ARHGAP15: variants seen among roughly 807,000 people sequenced by gnomAD.
ARHGAP15 encodes the protein Rho GTPase activating protein 15.
Under a neutral mutation model 63.7 loss-of-function variants are expected in ARHGAP15, and 51 were observed. That is an observed-to-expected ratio of 0.80 (90% confidence interval 0.64 to 1.01). The LOEUF (loss-of-function observed/expected upper bound fraction) is 1.01. Among genes scored for constraint, ARHGAP15 ranks in the 50% least tolerant of loss-of-function variants. The pLI, the probability that ARHGAP15 is intolerant of heterozygous loss-of-function variation, is 0.00. For missense variants in ARHGAP15, 560 were observed against 564.6 expected, an observed-to-expected ratio of 0.99 and a Z score of 0.08; for synonymous variants, 191 against 193.8, an observed-to-expected ratio of 0.99 and a Z score of 0.12.
At chr2:143,376,016 G>A (rs1686793568) in intron 6 of ARHGAP15, among the ~76,000 whole-genome samples, 1 of 152,182 alleles carries the variant, frequency 6.6e-6, no homozygotes, top group South Asian at 2.1e-4. Flanking sequence ...CACGCATGTG[G>A]CATTCTTTGT....
At chr2:143,429,180 C>A (rs1408628268) in intron 6 of ARHGAP15, among the ~76,000 whole-genome samples, 1 of 147,448 alleles carries the variant, frequency 6.8e-6, no homozygotes, top group Non-Finnish European at 1.5e-5. Context: ...TTTCTCAGTA[C>A]TTAAAATATT....
intron 12 of ARHGAP15, among the ~76,000 whole-genome samples, chr2:143,635,870 T>A (rs1239895714): frequency 1.3e-5 from 2 of 152,222 alleles, no homozygotes; most frequent in South Asian, 2.1e-4. Context: ...TATAAAAAAA[T>A]TATATTGGAT....
At chr2:143,501,612 T>C (rs1226036808) in intron 9 of ARHGAP15, among the ~76,000 whole-genome samples, 1 of 152,240 alleles carries the variant, frequency 6.6e-6, no homozygotes, top group African/African-American at 2.4e-5. Context: ...CTTATGTTCA[T>C]GTACACACTT....
rs558529970 is a variant in ARHGAP15, at chr2:143,336,628, G to A, written c.474+86028G>A. 7.9e-5 allele frequency among the ~76,000 whole-genome samples: 12 copies of A among 152,166 alleles called. No individual in the cohort carries two copies. In the South Asian group the frequency reaches 2.5e-3, roughly 32 times the overall value. On this transcript the variant is annotated intron_variant, in intron 6 of 13. Coordinates refer to ENST00000295095, the MANE Select transcript of ARHGAP15 (RefSeq NM_018460.4). ...GCTGTGTTTAATTGGTGATGATGTG[G>A]GTATGAAAGGCCCCAGGGAACTACC... is the stretch of plus-strand genomic sequence containing the variant.
intron 6 of ARHGAP15, among the ~76,000 whole-genome samples, chr2:143,273,093 A>G (rs546277988): frequency 6.6e-6 from 1 of 152,236 alleles, no homozygotes; most frequent in African/African-American, 2.4e-5. Context: ...AGATTAGATT[A>G]GTTTAAATAA....
chr2:143,357,355 C>CTT (rs10682016), intron 6 of ARHGAP15, among the ~76,000 whole-genome samples: 91 of 147,486 alleles, frequency 6.2e-4, no homozygotes, highest in African/African-American at 2.0e-3. Context: ...TTATGGAAAT[C>CTT]TTTTTTTTTT....
At position 143,317,991 on chromosome 2, in the gene ARHGAP15, A is replaced by G. The variant is rs1450527110; in HGVS notation, c.474+67391A>G. Among the ~76,000 whole-genome samples the G allele has an allele frequency of 1.3e-5, 2 of 151,592 alleles. 1 individual carries two copies. Among genetic ancestry groups the G allele is most frequent in the Non-Finnish European group, 2.9e-5 (2 of 67,878 alleles). On this transcript the variant is annotated intron_variant, in intron 6 of 13. Transcript: ENST00000295095. ...CATCACTATTATGGCACATAAAACT[A>G]CCCATAAAATTTTATCCTTTTTTTT... is the stretch of plus-strand genomic sequence containing the variant.
chr2:143,470,953 TGTGTATCATATGTGTGTACATACACAC>T (rs1321415124), intron 8 of ARHGAP15, among the ~76,000 whole-genome samples: 1 of 137,014 alleles, frequency 7.3e-6, no homozygotes, highest in Non-Finnish European at 1.6e-5. Flanking sequence ...TATACACACA[TGTGTATCATATGTGTGTACATACACAC>T]GTGTATCATA....
At chr2:143,511,071 C>G (rs1326567817) in intron 9 of ARHGAP15, among the ~76,000 whole-genome samples, 1 of 152,170 alleles carries the variant, frequency 6.6e-6, no homozygotes, top group Admixed American at 6.5e-5. Context: ...AAACTTATAG[C>G]AGTGATGAGG....
chr2:143,767,994 T>C lies in ARHGAP15; in HGVS notation c.1250T>C (p.Val417Ala). ...TTTTTTCTCTCTCTCCACAGGATAG[T>C]GGCCAAAGCCTCCAAGAACCTCATG... ...KVLFGHLTKI[V>A]AKASKNLMST... is the part of the protein sequence containing the mutation. The change falls in exon 14 of 14, where the codon GTG becomes GCG. Residue 417 changes from valine (V) to alanine (A), a missense_variant. Transcript: ENST00000295095. 1 of 1,613,516 alleles carries C rather than the reference T, an allele frequency of 6.2e-7. No individual in the cohort carries two copies. The highest frequency in any genetic ancestry group is 8.5e-7 in the Non-Finnish European group (1 of 1,179,624).
chr2:143,553,045 C>T (rs1695641834), intron 10 of ARHGAP15, among the ~76,000 whole-genome samples: 1 of 152,152 alleles, frequency 6.6e-6, no homozygotes, highest in Non-Finnish European at 1.5e-5. Flanking sequence ...TTTGGTTTGG[C>T]ATAACTTTCA....
intron 10 of ARHGAP15, among the ~76,000 whole-genome samples, chr2:143,554,498 A>G (rs1376976748): frequency 6.6e-6 from 1 of 152,134 alleles, no homozygotes; most frequent in Non-Finnish European, 1.5e-5. Flanking sequence ...CAGTAGCTAT[A>G]TGCTCAAAAA....
At chr2:143,206,964 C>A (rs1479329300) in intron 3 of ARHGAP15, among the ~76,000 whole-genome samples, 1 of 151,594 alleles carries the variant, frequency 6.6e-6, no homozygotes, top group Non-Finnish European at 1.5e-5. Context: ...TATATATGCA[C>A]ATATATTTTA....
chr2:143,334,639 T>G (rs1280048211), intron 6 of ARHGAP15, among the ~76,000 whole-genome samples: 1 of 152,184 alleles, frequency 6.6e-6, no homozygotes, highest in Non-Finnish European at 1.5e-5. Context: ...TGTAGCATAT[T>G]CCAAAGAGGT....
chr2:143,468,630 T>TTG (rs1202041455), intron 8 of ARHGAP15, among the ~76,000 whole-genome samples: 4 of 117,092 alleles, frequency 3.4e-5, no homozygotes, highest in South Asian at 6.6e-4. Context: ...ATGGGTTTCT[T>TTG]TGTGAGAGAG....
intron 6 of ARHGAP15, among the ~76,000 whole-genome samples, chr2:143,389,131 ATTATTT>A (rs1249547371): frequency 6.8e-6 from 1 of 147,224 alleles, no homozygotes; most frequent in African/African-American, 2.5e-5. Flanking sequence ...TATTATTATT[ATTATTT>A]TTTATTATTA....
chr2:143,391,185 C>T (rs1257402890), intron 6 of ARHGAP15, among the ~76,000 whole-genome samples: 1 of 152,190 alleles, frequency 6.6e-6, no homozygotes, highest in African/African-American at 2.4e-5. Context: ...GGCCTTTTTG[C>T]TTTCAAAGCT....
intron 8 of ARHGAP15, among the ~76,000 whole-genome samples, chr2:143,472,541 T>C (rs908536396): frequency 2.1e-4 from 32 of 152,180 alleles, no homozygotes; most frequent in Non-Finnish European, 3.5e-4. Context: ...TAATTTTATA[T>C]ACTTATTCCA....
intron 11 of ARHGAP15, among the ~76,000 whole-genome samples, chr2:143,617,681 CA>C (rs1698501397): frequency 6.6e-6 from 1 of 152,164 alleles, no homozygotes; most frequent in Admixed American, 6.5e-5. Context: ...TGGAAGAACA[CA>C]ATTCAGCACA....
Sources: gnomAD v4.1 joint callset for allele counts (sites outside exome capture counted in the v4.1 genomes callset) on GRCh38, gnomAD v4.1.1 for gene constraint, MANE v1.5 for transcripts, NCBI Gene and HGNC (gene_info 2026-07-23, HGNC 2026-07-21) for gene names.